The following GUCA1C variants were observed in gnomAD, a reference collection of about 807,000 sequenced individuals.
The protein encoded by GUCA1C is guanylyl cyclase-activating protein 3.
A neutral mutation model predicts 16.2 loss-of-function variants in GUCA1C; 15 were observed. The ratio of observed to expected loss-of-function variants is 0.93; its 90% CI spans 0.62 to 1.43. The LOEUF is 1.43. Among genes scored for constraint, GUCA1C ranks in the 40% most tolerant of loss-of-function variants. GUCA1C has a pLI of 0.00. For missense variants in GUCA1C, 275 were observed against 244.8 expected, an observed-to-expected ratio of 1.12 and a Z score of -0.82; for synonymous variants, 78 against 85.4, an observed-to-expected ratio of 0.91 and a Z score of 0.48.
intron 3 of GUCA1C, among the ~76,000 whole-genome samples, chr3:108,910,294 C>A (rs1011520389): frequency 1.3e-5 from 2 of 152,030 alleles, no homozygotes; most frequent in Non-Finnish European, 2.9e-5. Flanking sequence ...GTCAGGAGTT[C>A]CAGACCAGTC....
chr3:108,938,929 G>C (rs972601472), intron 1 of GUCA1C, among the ~76,000 whole-genome samples: 1 of 152,170 alleles, frequency 6.6e-6, no homozygotes, highest in Admixed American at 6.5e-5. Context: ...AGCCAGCTTA[G>C]CAGGTCCACT....
intron 1 of GUCA1C, among the ~76,000 whole-genome samples, chr3:108,941,193 C>G (rs189325934): frequency 6.6e-6 from 1 of 152,358 alleles, no homozygotes; most frequent in East Asian, 1.9e-4. Context: ...AGCCCCGCTA[C>G]TTCTCATTCC....
chr3:108,919,220 T>G (rs1946548051), intron 2 of GUCA1C, among the ~76,000 whole-genome samples: 1 of 135,054 alleles, frequency 7.4e-6, no homozygotes, highest in Non-Finnish European at 1.7e-5. Context: ...TTTCCTATGT[T>G]CTTTTTTTCC....
intron 1 of GUCA1C, among the ~76,000 whole-genome samples, chr3:108,948,436 CTCT>C (rs1946864811): frequency 6.6e-6 from 1 of 152,162 alleles, no homozygotes. Context: ...CCAATTAAAC[CTCT>C]TTTCTTTATA....
At chr3:108,910,139 A>G (rs1946434753) in intron 3 of GUCA1C, among the ~76,000 whole-genome samples, 1 of 152,218 alleles carries the variant, frequency 6.6e-6, no homozygotes, top group Admixed American at 6.5e-5. Flanking sequence ...ACAAATTAAA[A>G]GAATGGGCTT....
chr3:108,936,545 CCA>C (rs1946729613), intron 1 of GUCA1C, among the ~76,000 whole-genome samples: 1 of 152,020 alleles, frequency 6.6e-6, no homozygotes, highest in Non-Finnish European at 1.5e-5. Context: ...ACCCAGTCAG[CCA>C]CACTCTTAAA....
chr3:108,947,349 G>A (rs925093729), intron 1 of GUCA1C, among the ~76,000 whole-genome samples: 2 of 152,130 alleles, frequency 1.3e-5, no homozygotes, highest in African/African-American at 4.8e-5. Context: ...GTAGGCTGAG[G>A]AGGAGGAGGA....
rs182838440 is a variant in GUCA1C, at chr3:108,909,657, G to A, written c.443-1448C>T. Among the ~76,000 whole-genome samples, 50 of 152,272 alleles carry A rather than the reference G, an allele frequency of 3.3e-4. No individual in the cohort carries two copies. In the East Asian group the frequency reaches 8.9e-3, roughly 27 times the overall value. On this transcript the variant is annotated intron_variant, in intron 3 of 3. Transcript: ENST00000261047. ...AGAAGAGGCAGCATCTGAAAGAACC[G>A]GGATATAGTAGTGGTCTCAGCTGAA...
intron 1 of GUCA1C, among the ~76,000 whole-genome samples, chr3:108,944,940 C>T (rs113101333): frequency 1.9e-4 from 29 of 152,132 alleles, no homozygotes; most frequent in Non-Finnish European, 3.7e-4. Context: ...GAGGAGTAAA[C>T]GGAGGGTGAG....
At chr3:108,935,165 T>A (rs940245132) in intron 1 of GUCA1C, among the ~76,000 whole-genome samples, 2 of 151,596 alleles carry the variant, frequency 1.3e-5, no homozygotes, top group Non-Finnish European at 2.9e-5. Flanking sequence ...GACATAAACA[T>A]GGCAACAATA....
intron 1 of GUCA1C, among the ~76,000 whole-genome samples, chr3:108,923,551 T>C (rs1166459936): frequency 6.6e-6 from 1 of 152,236 alleles, no homozygotes; most frequent in African/African-American, 2.4e-5. Flanking sequence ...TGGTTGACTA[T>C]GGCCTTATAG....
intron 1 of GUCA1C, among the ~76,000 whole-genome samples, chr3:108,926,064 G>T (rs908924322): frequency 6.6e-6 from 1 of 151,876 alleles, no homozygotes. Flanking sequence ...TCCAGCCTGG[G>T]TGACAGAGCA....
At chr3:108,922,200 CACATAT>C (rs1447929277) in intron 1 of GUCA1C, among the ~76,000 whole-genome samples, 69 of 48,308 alleles carry the variant, frequency 1.4e-3, no homozygotes, top group African/African-American at 4.1e-3. Context: ...CACACACACA[CACATAT>C]ATATATGGAT....
At chr3:108,917,733 C>A (rs550961154) in intron 2 of GUCA1C, among the ~76,000 whole-genome samples, 16 of 152,218 alleles carry the variant, frequency 1.1e-4, no homozygotes, top group Admixed American at 7.2e-4. Flanking sequence ...CCAGCTGGTC[C>A]CTTTCCCGCT....
intron 3 of GUCA1C, 90 bp from the exon 4 acceptor site, chr3:108,908,299 T>C: frequency 1.6e-6 from 1 of 633,158 alleles, no homozygotes; most frequent in Admixed American, 3.1e-5. Flanking sequence ...ATTGATATTC[T>C]TTTGATATCC....
chr3:108,947,128 T>C (rs1946851551), intron 1 of GUCA1C, among the ~76,000 whole-genome samples: 1 of 152,212 alleles, frequency 6.6e-6, no homozygotes, highest in South Asian at 2.1e-4. Flanking sequence ...CTGCTATTGC[T>C]TGGAAGCCTT....
upstream of GUCA1C, among the ~76,000 whole-genome samples, chr3:108,954,264 T>C (rs1202851229): frequency 6.6e-6 from 1 of 152,194 alleles, no homozygotes; most frequent in Non-Finnish European, 1.5e-5. Context: ...ATTGTGAAGA[T>C]ATATTTAGAT....
chr3:108,917,145 A>T (rs1389622486), intron 2 of GUCA1C, among the ~76,000 whole-genome samples: 2 of 152,252 alleles, frequency 1.3e-5, no homozygotes, highest in Non-Finnish European at 2.9e-5. Flanking sequence ...CAGTATTTAA[A>T]GTAATAGTTA....
At chr3:108,910,274 G>A (rs1389024872) in intron 3 of GUCA1C, among the ~76,000 whole-genome samples, 1 of 152,086 alleles carries the variant, frequency 6.6e-6, no homozygotes, top group Non-Finnish European at 1.5e-5. Flanking sequence ...CAAGGTGGGC[G>A]GATCACGAGG....
Sources: allele counts gnomAD v4.1 joint callset (sites outside exome capture counted in the v4.1 genomes callset), GRCh38; gene constraint gnomAD v4.1.1; transcripts MANE v1.5; gene names NCBI Gene and HGNC (gene_info 2026-07-23, HGNC 2026-07-21).